Variants in ASB10 observed in about 807,000 individuals in gnomAD.
ASB10 encodes the protein ankyrin repeat and SOCS box containing 10.
A neutral mutation model predicts 35.4 loss-of-function variants in ASB10; 44 were observed. The ratio of observed to expected loss-of-function variants is 1.24; its 90% CI spans 0.98 to 1.60. The LOEUF is 1.60. Among genes scored for constraint, ASB10 ranks in the 40% most tolerant of loss-of-function variants. The pLI is 0.00. For synonymous variants in ASB10, 294 were observed against 280.4 expected (o/e 1.05, Z -0.49); for missense variants, 647 against 634.3 (o/e 1.02, Z -0.22).
rs144079446 is a variant in ASB10, at chr7:151,186,504, C to A, written c.472G>T (p.Ala158Ser). The stretch of plus-strand genomic sequence containing the variant: ...ACATGAACACAGGCAGTGTGGCCTG[C>A]AGCACAGGCCTCGTGCAGGGCGGTG... Reference protein sequence around the residue: ...GRTALHEACAAGHTACVHVLL... With the variant: ...GRTALHEACASGHTACVHVLL... The change falls in exon 2 of 6, where the codon GCA becomes TCA. Residue 158 changes from alanine to serine, a missense_variant. By Grantham distance (99) the Ala-to-Ser change is moderately conservative. Transcript: ENST00000420175. 2 of 1,602,086 alleles carry A rather than the reference C, an allele frequency of 1.2e-6. No homozygotes were observed. The highest frequency in any genetic ancestry group is 1.3e-5 in the African/African-American group (1 of 74,820).
intron 2 of ASB10, among the ~76,000 whole-genome samples, chr7:151,183,478 A>C (rs965555270): frequency 6.6e-6 from 1 of 151,780 alleles, no homozygotes; most frequent in Non-Finnish European, 1.5e-5. Flanking sequence ...CGTGATCTCC[A>C]CTCACTGCAA....
In ASB10 at chr7:151,176,206, A is replaced by G; in HGVS notation, c.1310T>C (p.Leu437Pro). Residue 437 changes from leucine (L) to proline (P), a missense_variant, in exon 5 of 6, where the codon CTG becomes CCG. Transcript: ENST00000420175. ...HLSRCALRSH[L>P]EGSLPQALPR... ...CAGCGCTTGGGGCAGGCTGCCCTCCAGGTGGGAGCGGAGCGCACAGCGGCT... is the reference window on the plus strand; with the variant it reads ...CAGCGCTTGGGGCAGGCTGCCCTCCGGGTGGGAGCGGAGCGCACAGCGGCT... 1 of 1,609,668 alleles carries G rather than the reference A, an allele frequency of 6.2e-7. No homozygotes were observed. The highest frequency in any genetic ancestry group is 1.1e-5 in the South Asian group (1 of 90,740).
upstream of ASB10, chr7:151,187,400 G>A (rs757345552): frequency 8.0e-5 from 124 of 1,549,974 alleles, no homozygotes; most frequent in African/African-American, 1.4e-3. This position sits in a 1 kb window ranked among gnomAD's most constrained non-coding sequence, Gnocchi z 5.3. Context: ...CTCTGTGGCC[G>A]AGGCAGTCAG....
intron 2 of ASB10, 109 bp from the exon 3 acceptor site, chr7:151,181,567 C>T (rs545239467): frequency 7.0e-7 from 1 of 1,427,752 alleles, no homozygotes; most frequent in South Asian, 1.5e-5. Flanking sequence ...CCATCCTGCC[C>T]ATCACTGGTC....
chr7:151,181,706 G>A (rs575964852), intron 2 of ASB10, among the ~76,000 whole-genome samples: 40 of 151,394 alleles, frequency 2.6e-4, no homozygotes, highest in Admixed American at 1.5e-3. Flanking sequence ...TCCACCTCCC[G>A]GGTTCAAGCG....
At chr7:151,180,789 A>G (rs1801469612) in intron 3 of ASB10, 150 bp downstream of exon 3, 7 of 1,359,498 alleles carry the variant, frequency 5.1e-6, no homozygotes, top group South Asian at 1.8e-5. Flanking sequence ...CTTGACCCCT[A>G]TTTGGGCTTT....
intron 2 of ASB10, among the ~76,000 whole-genome samples, chr7:151,182,290 CTGAT>C (rs1408068021): frequency 6.6e-6 from 1 of 152,106 alleles, no homozygotes; most frequent in African/African-American, 2.4e-5. Flanking sequence ...AAGAACAAGA[CTGAT>C]TGGCTGGGCA....
At position 151,181,154 on chromosome 7, in the gene ASB10, G is replaced by C; in HGVS notation, c.889C>G (p.Pro297Ala). The C allele has an allele frequency of 6.2e-7, 1 of 1,610,060 alleles. No individual in the cohort carries two copies. The highest frequency in any genetic ancestry group is 1.3e-5 in the African/African-American group (1 of 75,022). Residue 297 changes from proline (P) to alanine (A), a missense_variant, in exon 3 of 6, where the codon CCC becomes GCC. Physicochemically the swap from Pro to Ala is conservative, Grantham distance 27 (BLOSUM62 -1). Transcript: ENST00000420175. ...CCACGGCGGCAGGCCAGGTGCAGGGGTCGCTGCTTGTCCTGGTCCGCAGCA... is the reference window on the plus strand; with the variant it reads ...CCACGGCGGCAGGCCAGGTGCAGGGCTCGCTGCTTGTCCTGGTCCGCAGCA... ...ADAADQDKQR[P>A]LHLACRRGHA...
chr7:151,180,573 C>T (rs1801466014), intron 3 of ASB10, among the ~76,000 whole-genome samples: 1 of 152,168 alleles, frequency 6.6e-6, no homozygotes, highest in African/African-American at 2.4e-5. Context: ...TAAACAACGC[C>T]CACCACCCAC....
intron 2 of ASB10, among the ~76,000 whole-genome samples, chr7:151,183,411 CT>C (rs1362803979): frequency 3.3e-5 from 5 of 151,400 alleles, no homozygotes; most frequent in South Asian, 2.1e-4. Flanking sequence ...ATCTCTCTCT[CT>C]TTTTTTTTCT....
rs990376377 is a variant in ASB10 at position 151,187,079 on chromosome 7, C to A, written c.52G>T (p.Asp18Tyr). The change falls in exon 1 of 6, where the codon GAT (aspartate) becomes TAT (tyrosine). Residue 18 changes from aspartate (D) to tyrosine (Y), a missense_variant. Coordinates refer to ENST00000420175, the MANE Select transcript of ASB10 (RefSeq NM_001142459.2). This position sits in a 1 kb window ranked among gnomAD's most constrained non-coding sequence, Gnocchi z 5.3. Reference sequence around the variant, plus strand: ...CTGGCACAGAGGGGGTGTCTGTCATCGAGGGGCTCTCCCTGCCCCTTGCAC... The same window carrying A: ...CTGGCACAGAGGGGGTGTCTGTCATAGAGGGGCTCTCCCTGCCCCTTGCAC... Reference protein sequence around the residue: ...EECKGQGEPLDDRHPLCARLV... With the variant: ...EECKGQGEPLYDRHPLCARLV... 11 of 1,606,224 alleles carry A rather than the reference C, an allele frequency of 6.8e-6. No individual in the cohort carries two copies. The highest frequency in any genetic ancestry group is 9.3e-6 in the Non-Finnish European group (11 of 1,176,594).
At chr7:151,187,528 C>G (rs1423422832), upstream of ASB10, 3 of 1,551,492 alleles carry the variant, frequency 1.9e-6, no homozygotes, top group Non-Finnish European at 1.7e-6. This position sits in a 1 kb window ranked among gnomAD's most constrained non-coding sequence, Gnocchi z 5.3. Flanking sequence ...GCGGGGGGAA[C>G]AGCTCCTGCA....
chr7:151,180,824 A>T, intron 3 of ASB10, 115 bp downstream of exon 3: 1 of 1,403,040 alleles, frequency 7.1e-7, no homozygotes, highest in Non-Finnish European at 9.3e-7. Context: ...TGAAAGACAG[A>T]CAGAAGGAAC....
In ASB10 at chr7:151,181,063, C is replaced by T. The variant is rs1801477456; in HGVS notation, c.980G>A (p.Gly327Glu). 6.2e-7 allele frequency: 1 copy of T among 1,612,330 alleles called. No individual in the cohort carries two copies. The highest frequency in any genetic ancestry group is 8.5e-7 in the Non-Finnish European group (1 of 1,179,846). Residue 327 changes from glycine to glutamate, a missense_variant, in exon 3 of 6, where the codon GGA becomes GAA. By Grantham distance (98) the Gly-to-Glu change is moderately conservative (BLOSUM62 -2). Coordinates refer to ENST00000420175, the MANE Select transcript of ASB10 (RefSeq NM_001142459.2). ...CAGAGCACAGTGCAGGGGCGTGTGT[C>T]CCCCATAGTCCATGGTGTTGGCGCT... ...GVSANTMDYG[G>E]HTPLHCALQG... is the part of the protein sequence containing the mutation.
At chr7:151,179,835 C>T (rs1012465339) in intron 3 of ASB10, among the ~76,000 whole-genome samples, 3 of 152,190 alleles carry the variant, frequency 2.0e-5, no homozygotes, top group African/African-American at 4.8e-5. Context: ...TCAGAGCTGC[C>T]GTCAGATTAC....
chr7:151,181,635 C>T, intron 2 of ASB10, among the ~76,000 whole-genome samples, 177 bp from the exon 3 acceptor site: 1 of 141,874 alleles, frequency 7.0e-6, no homozygotes, highest in African/African-American at 2.6e-5. Context: ...TTTTTTGAGA[C>T]TGAGTCTTGT....
Position 151,176,301 on chromosome 7 carries a change from G to A in ASB10, c.1219-4C>T. The A allele has an allele frequency of 6.5e-7, 1 of 1,539,956 alleles. No homozygotes were observed. The highest frequency in any genetic ancestry group is 1.3e-5 in the South Asian group (1 of 78,748). On this transcript the variant is annotated splice_region_variant and splice_polypyrimidine_tract_variant and intron_variant, in intron 4 of 5. Coordinates refer to ENST00000420175, the MANE Select transcript of ASB10 (RefSeq NM_001142459.2). The stretch of plus-strand genomic sequence containing the variant: ...AGGAGTAGAAACGCTGATGTTTCTG[G>A]GGGCAGAACAAGGGGCTCAGTGAGA...
intron 3 of ASB10, among the ~76,000 whole-genome samples, chr7:151,179,797 C>T (rs1801453633): frequency 6.6e-6 from 1 of 152,174 alleles, no homozygotes; most frequent in African/African-American, 2.4e-5. Flanking sequence ...CTCCTCCCGC[C>T]CCTGCCTGCC....
At position 151,187,179 on chromosome 7, in the gene ASB10, C is replaced by CAGAGAG. The variant is rs34383739; in HGVS notation, c.-55_-50dup. ...GAGGAGGAGAGGTATATGCCAAAGG[C>CAGAGAG]AGAGAGAGAGAGAGAGAGCAGGAGG... On this transcript the variant is annotated 5_prime_UTR_variant, in exon 1 of 6. Coordinates refer to ENST00000420175, the MANE Select transcript of ASB10 (RefSeq NM_001142459.2). The surrounding 1 kb of genome is among the most constrained non-coding windows in gnomAD (Gnocchi z 5.3). 3 of 1,497,080 alleles carry CAGAGAG rather than the reference C, an allele frequency of 2.0e-6. No individual in the cohort carries two copies. The highest frequency in any genetic ancestry group is 2.8e-5 in the African/African-American group (2 of 71,548). The allele number at this position is 1,497,080 out of a possible 1,614,324, so 92.7% of individuals were successfully genotyped here.
Sources: gnomAD v4.1 joint callset for allele counts (sites outside exome capture counted in the v4.1 genomes callset) on GRCh38, gnomAD v4.1.1 for gene constraint, Gnocchi (gnomAD v3.1) non-coding constraint, MANE v1.5 for transcripts, NCBI Gene and HGNC (gene_info 2026-07-23, HGNC 2026-07-21) for gene names.